PPP1R12B: variants seen among roughly 807,000 people sequenced by gnomAD.
PPP1R12B encodes myosin phosphatase target subunit 2.
In PPP1R12B, 76 loss-of-function variants were observed where a neutral mutation model predicts 126.1. The observed-to-expected ratio is 0.60, with a 90% CI of 0.50 to 0.73. The LOEUF (loss-of-function observed/expected upper bound fraction) is 0.73. PPP1R12B is among the 30% of genes least tolerant of loss of function. The probability of loss-of-function intolerance (pLI) is 0.00; values close to 1 mark genes in which losing one functional copy is unlikely to be tolerated. For synonymous variants in PPP1R12B, 356 were observed against 434.7 expected (o/e 0.82, Z 2.25); for missense variants, 1,052 against 1,205.1 (o/e 0.87, Z 1.88).
At chr1:202,459,871 C>T (rs1332144467) in intron 13 of PPP1R12B, among the ~76,000 whole-genome samples, 1 of 152,176 alleles carries the variant, frequency 6.6e-6, no homozygotes, top group Non-Finnish European at 1.5e-5. Context: ...CTTTGGATTG[C>T]TTGTGAGAAC....
intron 13 of PPP1R12B, among the ~76,000 whole-genome samples, chr1:202,450,029 A>G (rs1275681296): frequency 1.3e-5 from 2 of 152,170 alleles, no homozygotes; most frequent in Non-Finnish European, 2.9e-5. Flanking sequence ...TTGTCTTGTG[A>G]TAGAGACAAT....
intron 13 of PPP1R12B, among the ~76,000 whole-genome samples, chr1:202,450,784 G>A (rs1185609909): frequency 6.6e-6 from 1 of 152,190 alleles, no homozygotes; most frequent in Non-Finnish European, 1.5e-5. Context: ...ATCATCTGAA[G>A]TCAGGTAATG....
At chr1:202,546,901 T>C (rs1412618395) in intron 18 of PPP1R12B, among the ~76,000 whole-genome samples, 1 of 152,094 alleles carries the variant, frequency 6.6e-6, no homozygotes, top group Non-Finnish European at 1.5e-5. Context: ...ATAAGAGATA[T>C]GTTTCTTTTT....
At chr1:202,374,493 C>T (rs375054551) in intron 1 of PPP1R12B, among the ~76,000 whole-genome samples, 11 of 89,504 alleles carry the variant, frequency 1.2e-4, no homozygotes, top group African/African-American at 2.6e-4. Context: ...TTGTCTCTCT[C>T]TTTTTTTTTT....
intron 8 of PPP1R12B, among the ~76,000 whole-genome samples, chr1:202,434,143 T>A (rs1468658672): frequency 6.6e-6 from 1 of 152,202 alleles, no homozygotes. Flanking sequence ...TTTTCTTTAA[T>A]CCTCACAACC....
At position 202,567,844 on chromosome 1, in the gene PPP1R12B, C is replaced by T. The variant is rs1688203706; in HGVS notation, c.2811+13C>T. The T allele has an allele frequency of 6.2e-7, 1 of 1,613,070 alleles. No individual in the cohort carries two copies. Among genetic ancestry groups the T allele is most frequent in the Non-Finnish European group, 8.5e-7 (1 of 1,179,210 alleles). On this transcript the variant is annotated intron_variant, in intron 22 of 23. Transcript: ENST00000608999. ...GATGGAGAAACGGGTATGCGCATGTCTGTTTCCCCCTCCACCCCATTTCAT... is the reference window on the plus strand; with the variant it reads ...GATGGAGAAACGGGTATGCGCATGTTTGTTTCCCCCTCCACCCCATTTCAT...
chr1:202,478,310 T>A (rs548263078), intron 13 of PPP1R12B, among the ~76,000 whole-genome samples: 1 of 152,266 alleles, frequency 6.6e-6, no homozygotes, highest in East Asian at 1.9e-4. Context: ...CATAGTTTGC[T>A]GACCAGCTGG....
intron 18 of PPP1R12B, among the ~76,000 whole-genome samples, chr1:202,515,868 A>G (rs1347521578): frequency 3.3e-5 from 5 of 152,286 alleles, no homozygotes; most frequent in South Asian, 4.1e-4. Context: ...TAGTGTTGGT[A>G]TATCCGATTG....
intron 13 of PPP1R12B, among the ~76,000 whole-genome samples, chr1:202,461,098 G>A (rs1298106992): frequency 6.6e-6 from 1 of 151,792 alleles, no homozygotes; most frequent in Non-Finnish European, 1.5e-5. Flanking sequence ...GCTGACACCT[G>A]TAATCCCAGC....
chr1:202,395,873 G>A (rs1664909746), intron 1 of PPP1R12B, among the ~76,000 whole-genome samples: 1 of 152,140 alleles, frequency 6.6e-6, no homozygotes, highest in Non-Finnish European at 1.5e-5. Flanking sequence ...ACACCTAAGT[G>A]GATGAAAATC....
At position 202,448,664 on chromosome 1, in the gene PPP1R12B, A is replaced by C. The variant is rs1257453119; in HGVS notation, c.1668-325A>C. The C allele has an allele frequency of 3.0e-5, 8 of 265,722 alleles. No homozygotes were observed. The East Asian group carries it at 6.1e-4, about 20-fold the overall frequency. The allele number at this position is 265,722 out of a possible 1,614,324, so 16.5% of individuals were successfully genotyped here. A position where few individuals can be genotyped will look rare whatever the true frequency, so the allele number is the denominator to read the frequency against. On this transcript the variant is annotated intron_variant, in intron 12 of 23. Coordinates refer to ENST00000608999, the MANE Select transcript of PPP1R12B (RefSeq NM_002481.4). ...TGTGCATGTGCAGAGACCAGGTGCT[A>C]CTGGGGTGTCATTTAAAACACTCTT...
chr1:202,418,807 A>C (rs1242481806), intron 2 of PPP1R12B, among the ~76,000 whole-genome samples: 1 of 151,942 alleles, frequency 6.6e-6, no homozygotes, highest in African/African-American at 2.4e-5. Flanking sequence ...TTTTTTTAAT[A>C]TGCAATGGAA....
intron 23 of PPP1R12B, among the ~76,000 whole-genome samples, chr1:202,571,459 T>C (rs1486365067): frequency 6.6e-6 from 1 of 151,786 alleles, no homozygotes; most frequent in African/African-American, 2.4e-5. Context: ...TTTTTTTCTC[T>C]TTGAGACGGA....
At chr1:202,385,090 A>G (rs1336675157) in intron 1 of PPP1R12B, among the ~76,000 whole-genome samples, 5 of 152,312 alleles carry the variant, frequency 3.3e-5, no homozygotes, top group African/African-American at 1.2e-4. Flanking sequence ...GATGAGCTGC[A>G]AAATATCAAG....
chr1:202,576,086 T>A (rs1276660922), intron 23 of PPP1R12B: 1 of 152,218 alleles, frequency 6.6e-6, no homozygotes, highest in Admixed American at 6.5e-5. Context: ...CCTTAGTGTG[T>A]GGGCTGTGAG....
At chr1:202,546,757 G>A (rs1685688806) in intron 18 of PPP1R12B, among the ~76,000 whole-genome samples, 1 of 152,122 alleles carries the variant, frequency 6.6e-6, no homozygotes, top group South Asian at 2.1e-4. Context: ...TTGGTCTGAC[G>A]CTTGGGAGAA....
At chr1:202,355,656 G>T (rs12076859) in intron 1 of PPP1R12B, among the ~76,000 whole-genome samples, 4,839 of 152,172 alleles carry the variant, frequency 0.032, 267 homozygotes, top group African/African-American at 0.11. Context: ...TTTGAGCAGG[G>T]TCGTTACCCA....
intron 1 of PPP1R12B, chr1:202,409,975 A>G (rs745473965): frequency 7.9e-5 from 12 of 152,110 alleles, no homozygotes; most frequent in East Asian, 1.9e-4. Context: ...TTTTTTGCCC[A>G]TTTTTGAATC....
intron 2 of PPP1R12B, among the ~76,000 whole-genome samples, chr1:202,417,888 G>C (rs1668290102): frequency 6.6e-6 from 1 of 152,186 alleles, no homozygotes; most frequent in African/African-American, 2.4e-5. Flanking sequence ...GGTTTCCTAA[G>C]GGAGAGCCTG....
Sources: gnomAD v4.1 joint callset for allele counts (sites outside exome capture counted in the v4.1 genomes callset) on GRCh38, gnomAD v4.1.1 for gene constraint, MANE v1.5 for transcripts, NCBI Gene and HGNC (gene_info 2026-07-23, HGNC 2026-07-21) for gene names.